Variants in ZBTB20 observed in about 807,000 individuals in gnomAD.
ZBTB20 encodes zinc finger and BTB domain-containing protein 20.
Under a neutral mutation model 56.9 loss-of-function variants are expected in ZBTB20, and 9 were observed. The ratio of observed to expected loss-of-function variants is 0.16; its 90% CI spans 0.10 to 0.28. ZBTB20 has a LOEUF of 0.28. Ranked by LOEUF, ZBTB20 falls within the 10% of genes least tolerant of loss-of-function variation. The pLI, the probability that ZBTB20 is intolerant of heterozygous loss-of-function variation, is 1.00. For missense variants in ZBTB20, 655 were observed against 1,003.0 expected (o/e 0.65, Z 4.69); for synonymous variants, 417 against 420.7 (o/e 0.99, Z 0.11).
At chr3:115,079,507 G>A (rs1446395672) in intron 1 of ZBTB20, among the ~76,000 whole-genome samples, 1 of 152,118 alleles carries the variant, frequency 6.6e-6, no homozygotes, top group Non-Finnish European at 1.5e-5. Flanking sequence ...TCCTGCCTCA[G>A]CCTCCTGAGT....
intron 4 of ZBTB20, among the ~76,000 whole-genome samples, chr3:114,889,107 T>C (rs1359510553): frequency 2.0e-5 from 3 of 152,002 alleles, no homozygotes; most frequent in Admixed American, 6.5e-5. Flanking sequence ...TACACAAATA[T>C]GAATGTGTGA....
In ZBTB20 at chr3:115,006,105, T is replaced by C. The variant is rs577179013; in HGVS notation, c.-506-31689A>G. On this transcript the variant is annotated intron_variant, in intron 2 of 11. Transcript: ENST00000675478. Reference sequence around the variant, plus strand: ...CATCCTATTCCTTGCCCTGGATTTCTGCATCACTGGATCCTTCTTATCATT... The same window carrying C: ...CATCCTATTCCTTGCCCTGGATTTCCGCATCACTGGATCCTTCTTATCATT... Among the ~76,000 whole-genome samples, 6 of 151,874 alleles carry C rather than the reference T, an allele frequency of 4.0e-5. No individual in the cohort carries two copies. In the East Asian group the frequency reaches 1.2e-3, roughly 30 times the overall value.
intron 2 of ZBTB20, among the ~76,000 whole-genome samples, chr3:115,064,427 A>G (rs964009952): frequency 7.2e-5 from 10 of 139,392 alleles, no homozygotes; most frequent in Non-Finnish European, 6.2e-5. Flanking sequence ...GTTAAAAGTA[A>G]TTTTCTCTCA....
At chr3:115,063,186 G>C (rs1292434734) in intron 2 of ZBTB20, among the ~76,000 whole-genome samples, 1 of 152,130 alleles carries the variant, frequency 6.6e-6, no homozygotes, top group East Asian at 1.9e-4. Context: ...ACTTCATCAT[G>C]AGTTAATCTA....
chr3:114,651,523 G>C (rs2060126859), intron 6 of ZBTB20, among the ~76,000 whole-genome samples: 1 of 130,258 alleles, frequency 7.7e-6, no homozygotes, highest in South Asian at 2.5e-4. Context: ...GAAATCCAGG[G>C]AATAAGTAAA....
chr3:114,337,529 A>G lies in ZBTB20; in HGVS notation c.*1476T>C, dbSNP rs1262915799. The stretch of plus-strand genomic sequence containing the variant: ...TCCATGAAAAAGAACAGAATTCTAG[A>G]TGAATCAGTTGAAAAAATTATTCAG... On this transcript the variant is annotated 3_prime_UTR_variant, in exon 12 of 12. Transcript: ENST00000675478. 1.3e-5 allele frequency: 2 copies of G among 152,230 alleles called. No homozygotes were observed. The highest frequency in any genetic ancestry group is 3.8e-4 in the East Asian group (2 of 5,208). The allele number at this position is 152,230 out of a possible 1,614,324, so 9.4% of individuals were successfully genotyped here.
intron 5 of ZBTB20, among the ~76,000 whole-genome samples, chr3:114,788,991 A>C (rs553175005): frequency 1.1e-4 from 16 of 152,274 alleles, no homozygotes; most frequent in African/African-American, 3.6e-4. Context: ...CCTGTGATTC[A>C]AGTACCTCCC....
chr3:114,733,781 G>T (rs2065932595), intron 5 of ZBTB20, among the ~76,000 whole-genome samples: 1 of 152,162 alleles, frequency 6.6e-6, no homozygotes, highest in Non-Finnish European at 1.5e-5. Context: ...TAGAAGCATG[G>T]AAGGGTAGAA....
intron 6 of ZBTB20, among the ~76,000 whole-genome samples, chr3:114,556,834 T>G (rs2051287626): frequency 6.6e-6 from 1 of 152,066 alleles, no homozygotes; most frequent in Non-Finnish European, 1.5e-5. Flanking sequence ...GATAATGAAA[T>G]AAGAAGCTCT....
At chr3:114,750,183 T>C (rs1162822238) in intron 5 of ZBTB20, among the ~76,000 whole-genome samples, 5 of 152,116 alleles carry the variant, frequency 3.3e-5, no homozygotes, top group African/African-American at 1.2e-4. Flanking sequence ...TCATAAAGGA[T>C]AAGAGTGACA....
chr3:114,803,798 A>G (rs2071896658), intron 4 of ZBTB20, among the ~76,000 whole-genome samples: 1 of 131,982 alleles, frequency 7.6e-6, no homozygotes, highest in African/African-American at 2.8e-5. Context: ...TTTTTTTTTA[A>G]TTCAAATTCA....
In ZBTB20 at chr3:114,729,141, T is replaced by C. The variant is rs564264689; in HGVS notation, c.-342-35566A>G. 2.0e-5 allele frequency among the ~76,000 whole-genome samples: 3 copies of C among 152,282 alleles called. No homozygotes were observed. In the South Asian group the frequency reaches 6.2e-4, roughly 32 times the overall value. ...GGACACAAGAGACAACACGGTCCCATTTGTCACCAAAATAGACAACACAGT... is the reference window on the plus strand; with the variant it reads ...GGACACAAGAGACAACACGGTCCCACTTGTCACCAAAATAGACAACACAGT... On this transcript the variant is annotated intron_variant, in intron 5 of 11. Transcript: ENST00000675478.
intron 5 of ZBTB20, among the ~76,000 whole-genome samples, chr3:114,795,136 G>A (rs1362913622): frequency 6.6e-6 from 1 of 152,048 alleles, no homozygotes; most frequent in Non-Finnish European, 1.5e-5. Flanking sequence ...TTATGCAAGT[G>A]AGAAATATGT....
chr3:114,435,350 TATGTTATCTCATTTG>T (rs2090447360), intron 7 of ZBTB20, among the ~76,000 whole-genome samples: 1 of 152,334 alleles, frequency 6.6e-6, no homozygotes, highest in Non-Finnish European at 1.5e-5. Flanking sequence ...TTTCTTTACA[TATGTTATCTCATTTG>T]ATCTTCATAC....
chr3:114,752,254 CT>C (rs1236414384), intron 5 of ZBTB20, among the ~76,000 whole-genome samples: 3 of 5,408 alleles, frequency 5.5e-4, no homozygotes, highest in Non-Finnish European at 4.5e-3. Context: ...ACTCTCGTAT[CT>C]ATCTACTCTA....
chr3:114,702,974 T>A (rs1248018158), intron 5 of ZBTB20, among the ~76,000 whole-genome samples: 1 of 150,958 alleles, frequency 6.6e-6, no homozygotes, highest in African/African-American at 2.4e-5. Context: ...TGCAATTTTT[T>A]AAATGAATCT....
Position 114,321,901 on chromosome 3 carries a change from A to T in ZBTB20, c.*17104T>A, listed in dbSNP as rs1191353562. The T allele has an allele frequency of 6.6e-6, 1 of 152,226 alleles. No homozygotes were observed. Among genetic ancestry groups the T allele is most frequent in the East Asian group, 1.9e-4 (1 of 5,196 alleles). 9.4% of individuals were successfully genotyped at this position (152,226 alleles called of 1,614,324 possible). On this transcript the variant is annotated 3_prime_UTR_variant, in exon 12 of 12. Transcript: ENST00000675478. ...GAAGACTGGAGGCAATGGTACAGAA[A>T]AGCGTAACTGAATAAATTATTAATC...
chr3:114,648,066 T>C (rs2059940940), intron 6 of ZBTB20, among the ~76,000 whole-genome samples: 1 of 152,056 alleles, frequency 6.6e-6, no homozygotes, highest in Non-Finnish European at 1.5e-5. Context: ...ATTAAATGTA[T>C]TTTGTGCTAT....
intron 6 of ZBTB20, among the ~76,000 whole-genome samples, chr3:114,553,478 A>G (rs1490955279): frequency 6.6e-6 from 1 of 152,160 alleles, no homozygotes; most frequent in Admixed American, 6.6e-5. Context: ...TACATTTACT[A>G]CAAGTATACT....
Sources: gnomAD v4.1 joint callset for allele counts (sites outside exome capture counted in the v4.1 genomes callset) on GRCh38, gnomAD v4.1.1 for gene constraint, MANE v1.5 for transcripts, NCBI Gene and HGNC (gene_info 2026-07-23, HGNC 2026-07-21) for gene names.